The following KCNG4 variants were observed in gnomAD, a reference collection of about 807,000 sequenced individuals.
KCNG4 encodes the protein potassium voltage-gated channel modifier subfamily G member 4.
In KCNG4, 30 loss-of-function variants were observed where a neutral mutation model predicts 28.2. The ratio of observed to expected loss-of-function variants is 1.06; its 90% confidence interval spans 0.80 to 1.44. KCNG4 has a LOEUF of 1.44. Ranked by LOEUF, KCNG4 falls within the 40% of genes most tolerant of loss-of-function variation. The pLI is 0.00. For synonymous variants in KCNG4, 375 were observed against 315.5 expected (o/e 1.19, Z -2.00); for missense variants, 879 against 712.3 (o/e 1.23, Z -2.66).
intron 2 of KCNG4, among the ~76,000 whole-genome samples, chr16:84,233,926 G>A (rs1329309675): frequency 6.6e-6 from 1 of 152,120 alleles, no homozygotes; most frequent in Admixed American, 6.5e-5. Context: ...AAACCTCTCT[G>A]AGCCTCGGTT....
intron 2 of KCNG4, among the ~76,000 whole-genome samples, chr16:84,231,710 A>C (rs980155833): frequency 6.6e-6 from 1 of 152,136 alleles, no homozygotes; most frequent in African/African-American, 2.4e-5. Context: ...AGTGCATTCA[A>C]GTGAGAGTCG....
intron 2 of KCNG4, among the ~76,000 whole-genome samples, chr16:84,227,763 C>T (rs1289377519): frequency 3.9e-5 from 6 of 152,158 alleles, no homozygotes; most frequent in Non-Finnish European, 8.8e-5. Flanking sequence ...AGGGCTAAAT[C>T]GTGCTACAAC....
Position 84,222,734 on chromosome 16 carries a change from A to T in KCNG4, c.1043T>A (p.Met348Lys). ...CCCCAGCGAGTGGCGAGCCAGGCGC[A>T]TCACGTAGAGGATGCGCAGCGCTCG... ...VLRALRILYVMRLARHSLGLQ... is the reference protein window; with the variant it reads ...VLRALRILYVKRLARHSLGLQ... Residue 348 changes from methionine (M) to lysine (K), a missense_variant, in exon 3 of 3, where the codon ATG becomes AAG. Met to Lys is a moderately conservative substitution (Grantham distance 95, BLOSUM62 -1). Transcript: ENST00000308251. 6.2e-7 allele frequency: 1 copy of T among 1,612,942 alleles called. No homozygotes were observed. The highest frequency in any genetic ancestry group is 8.5e-7 in the Non-Finnish European group (1 of 1,179,552).
chr16:84,231,928 C>T (rs779184240), intron 2 of KCNG4, among the ~76,000 whole-genome samples: 16 of 149,128 alleles, frequency 1.1e-4, no homozygotes, highest in Non-Finnish European at 2.4e-4. Flanking sequence ...TGTTTGAACC[C>T]GGGAGGAGGA....
chr16:84,234,546 T>A (rs1325851326), intron 2 of KCNG4, among the ~76,000 whole-genome samples: 1 of 152,200 alleles, frequency 6.6e-6, no homozygotes, highest in Non-Finnish European at 1.5e-5. Context: ...CAACGGACGT[T>A]GCTATGAGAA....
At chr16:84,223,483 G>C (rs1362943267) in intron 2 of KCNG4, among the ~76,000 whole-genome samples, 2 of 152,200 alleles carry the variant, frequency 1.3e-5, no homozygotes, top group African/African-American at 4.8e-5. Context: ...TTGCACAAGA[G>C]AAAAATTTGG....
intron 2 of KCNG4, among the ~76,000 whole-genome samples, chr16:84,232,967 T>C (rs997849577): frequency 2.0e-5 from 3 of 151,842 alleles, no homozygotes; most frequent in African/African-American, 7.3e-5. Context: ...GAAATTTGTC[T>C]TCTCTCCAGC....
Position 84,222,075 on chromosome 16 carries a change from C to G in KCNG4, c.*142G>C, listed in dbSNP as rs1904575377. 4 of 909,716 alleles carry G rather than the reference C, an allele frequency of 4.4e-6. No individual in the cohort carries two copies. The Middle Eastern group carries it at 8.9e-4, about 203-fold the overall frequency. 56.4% of individuals were successfully genotyped at this position (909,716 alleles called of 1,614,324 possible). A position where few individuals can be genotyped will look rare whatever the true frequency, so the allele number is the denominator to read the frequency against. On this transcript the variant is annotated 3_prime_UTR_variant, in exon 3 of 3. Transcript: ENST00000308251. ...GACAAGGATCACAGACACACAGCCT[C>G]TGTGGCCTTATGCCCCTCCAGCTTT...
At chr16:84,227,603 CA>C (rs1341561373) in intron 2 of KCNG4, among the ~76,000 whole-genome samples, 9 of 151,992 alleles carry the variant, frequency 5.9e-5, no homozygotes, top group Non-Finnish European at 1.0e-4. Flanking sequence ...AAACAAAACC[CA>C]AAAAAACTTG....
chr16:84,239,861 T>C lies in KCNG4; in HGVS notation c.-232A>G, dbSNP rs1905058353. 1 of 151,964 alleles carries C rather than the reference T, an allele frequency of 6.6e-6. No individual in the cohort carries two copies. Among genetic ancestry groups the C allele is most frequent in the Non-Finnish European group, 1.5e-5 (1 of 68,012 alleles). 9.4% of individuals were successfully genotyped at this position (151,964 alleles called of 1,614,324 possible). ...GCCTCCTCCAGAAACCAGAAGTTCATTCATTCTGCATCTCTCTCTCCAGCA... is the reference window on the plus strand; with the variant it reads ...GCCTCCTCCAGAAACCAGAAGTTCACTCATTCTGCATCTCTCTCTCCAGCA... On this transcript the variant is annotated 5_prime_UTR_variant, in exon 1 of 3. An upstream start codon of the reference 5' UTR is lost. Coordinates refer to ENST00000308251, the MANE Select transcript of KCNG4 (RefSeq NM_172347.3).
At position 84,222,695 on chromosome 16, in the gene KCNG4, C is replaced by T. The variant is rs146223165; in HGVS notation, c.1082G>A (p.Gly361Glu). The stretch of plus-strand genomic sequence containing the variant: ...ACGTGTGCAACGGCGCACGGTGAGC[C>T]CCAGCGTCTGCAGCCCCAGCGAGTG... ...ARHSLGLQTL[G>E]LTVRRCTREF... is the part of the protein sequence containing the mutation. Residue 361 changes from glycine to glutamate, a missense_variant, in exon 3 of 3, where the codon GGG becomes GAG. Physicochemically the swap from Gly to Glu is moderately conservative, Grantham distance 98. Transcript: ENST00000308251. 6.2e-7 allele frequency: 1 copy of T among 1,613,314 alleles called. No homozygotes were observed. The highest frequency in any genetic ancestry group is 8.5e-7 in the Non-Finnish European group (1 of 1,179,830).
intron 2 of KCNG4, among the ~76,000 whole-genome samples, chr16:84,233,435 G>A (rs1013624476): frequency 6.6e-6 from 1 of 152,228 alleles, no homozygotes; most frequent in Non-Finnish European, 1.5e-5. Flanking sequence ...GGGCACGGTG[G>A]TTCATGCTTG....
rs1904691255 is a variant in KCNG4 at position 84,226,119 on chromosome 16, G to A, written c.757-3099C>T. ...GGGATGGTTGGTCACCCTATTCCTA[G>A]CCCTTGCCACAGGCAGAGCGAGGTG... On this transcript the variant is annotated intron_variant, in intron 2 of 2. Coordinates refer to ENST00000308251, the MANE Select transcript of KCNG4 (RefSeq NM_172347.3). The surrounding 1 kb of genome is among the most constrained non-coding windows in gnomAD (Gnocchi z 4.1). 6.6e-6 allele frequency among the ~76,000 whole-genome samples: 1 copy of A among 152,240 alleles called. No homozygotes were observed. The highest frequency in any genetic ancestry group is 1.5e-5 in the Non-Finnish European group (1 of 68,032).
At chr16:84,230,211 C>T (rs1904793813) in intron 2 of KCNG4, among the ~76,000 whole-genome samples, 1 of 152,100 alleles carries the variant, frequency 6.6e-6, no homozygotes, top group African/African-American at 2.4e-5. Context: ...TCGAAACCAG[C>T]CTGGCCAACA....
In KCNG4 at chr16:84,222,204, G is replaced by C. The variant is rs778829053; in HGVS notation, c.*13C>G. ...TGGGTTGAGGTTACCATGTAGTCATGGGGGGTGCTGAGTTACATGTGCATG... is the reference window on the plus strand; with the variant it reads ...TGGGTTGAGGTTACCATGTAGTCATCGGGGGTGCTGAGTTACATGTGCATG... On this transcript the variant is annotated 3_prime_UTR_variant, in exon 3 of 3. Coordinates refer to ENST00000308251, the MANE Select transcript of KCNG4 (RefSeq NM_172347.3). 1.0e-4 allele frequency: 161 copies of C among 1,611,974 alleles called. No individual in the cohort carries two copies. The Middle Eastern group carries it at 1.5e-3, about 15-fold the overall frequency.
At chr16:84,225,710 C>T (rs1051478287) in intron 2 of KCNG4, among the ~76,000 whole-genome samples, 7 of 152,380 alleles carry the variant, frequency 4.6e-5, no homozygotes, top group African/African-American at 1.7e-4. Context: ...GCTGCCAGGT[C>T]CTCCTCCTGC....
At chr16:84,238,363 A>C (rs1025686503) in intron 1 of KCNG4, among the ~76,000 whole-genome samples, 1 of 152,218 alleles carries the variant, frequency 6.6e-6, no homozygotes, top group Admixed American at 6.5e-5. Context: ...CGAGCATCCA[A>C]GCATCTAGGT....
chr16:84,221,993 G>C lies in KCNG4; in HGVS notation c.*224C>G. The C allele has an allele frequency of 1.7e-6, 1 of 575,258 alleles. No homozygotes were observed. The highest frequency in any genetic ancestry group is 3.1e-6 in the Non-Finnish European group (1 of 323,264). The allele number at this position is 575,258 out of a possible 1,614,324, so 35.6% of individuals were successfully genotyped here. On this transcript the variant is annotated 3_prime_UTR_variant, in exon 3 of 3. Coordinates refer to ENST00000308251, the MANE Select transcript of KCNG4 (RefSeq NM_172347.3). Reference sequence around the variant, plus strand: ...TGGACATGCTCAGTAGATGGGCAGAGAGAGGAAAAGGCAAGCAGGCTGGAC... The same window carrying C: ...TGGACATGCTCAGTAGATGGGCAGACAGAGGAAAAGGCAAGCAGGCTGGAC...
chr16:84,226,607 A>G lies in KCNG4; in HGVS notation c.757-3587T>C, dbSNP rs1904703360. ...GAATGGCAGAATATTGGCTGGGCACAATGGCTCACGCCTGTAATCCCAGCA... is the reference window on the plus strand; with the variant it reads ...GAATGGCAGAATATTGGCTGGGCACGATGGCTCACGCCTGTAATCCCAGCA... On this transcript the variant is annotated intron_variant, in intron 2 of 2. Coordinates refer to ENST00000308251, the MANE Select transcript of KCNG4 (RefSeq NM_172347.3). This position sits in a 1 kb window ranked among gnomAD's most constrained non-coding sequence, Gnocchi z 4.1. 1.3e-5 allele frequency among the ~76,000 whole-genome samples: 2 copies of G among 151,874 alleles called. No individual in the cohort carries two copies. The highest frequency in any genetic ancestry group is 1.3e-4 in the Admixed American group (2 of 15,238).
Sources: allele counts gnomAD v4.1 joint callset (sites outside exome capture counted in the v4.1 genomes callset), GRCh38; gene constraint gnomAD v4.1.1; non-coding constraint Gnocchi (gnomAD v3.1); transcripts MANE v1.5; gene names NCBI Gene and HGNC (gene_info 2026-07-23, HGNC 2026-07-21).